KLHL29: variants seen among roughly 807,000 people sequenced by gnomAD.
KLHL29 encodes kelch like family member 29, also known as kelch-like protein 29.
A neutral mutation model predicts 80.4 loss-of-function variants in KLHL29; 21 were observed. That is an observed-to-expected ratio of 0.26 (90% CI 0.19 to 0.38). The LOEUF is 0.38. Ranked by LOEUF, KLHL29 falls within the 10% of genes least tolerant of loss-of-function variation. The pLI, the probability that KLHL29 is intolerant of heterozygous loss-of-function variation, is 1.00. For missense variants in KLHL29, 867 were observed against 1,223.9 expected, an observed-to-expected ratio of 0.71 and a Z score of 4.35; for synonymous variants, 511 against 526.8, an observed-to-expected ratio of 0.97 and a Z score of 0.41.
chr2:23,651,312 G>GC (rs1384769895), intron 5 of KLHL29, among the ~76,000 whole-genome samples: 1 of 152,166 alleles, frequency 6.6e-6, no homozygotes, highest in Non-Finnish European at 1.5e-5. Flanking sequence ...TGTCCTGGCA[G>GC]CCTCTTGGAT....
At chr2:23,663,152 C>G (rs1670461559) in intron 5 of KLHL29, among the ~76,000 whole-genome samples, 1 of 152,218 alleles carries the variant, frequency 6.6e-6, no homozygotes, top group South Asian at 2.1e-4. Context: ...CTACTCCCAG[C>G]CCCCAAACCC....
chr2:23,455,536 C>A (rs1374510951), intron 1 of KLHL29, among the ~76,000 whole-genome samples: 1 of 151,684 alleles, frequency 6.6e-6, no homozygotes, highest in African/African-American at 2.4e-5. Flanking sequence ...AAGAAGTTTC[C>A]CTGAGGACAG....
chr2:23,655,815 T>C lies in KLHL29; in HGVS notation c.940+12965T>C, dbSNP rs914226413. On this transcript the variant is annotated intron_variant, in intron 5 of 13. Coordinates refer to ENST00000486442, the MANE Select transcript of KLHL29 (RefSeq NM_052920.2). ...ATGGTTTCCAGGAGGTGTGTAGACC[T>C]GGAACTGACTGAGCAGAGTGAGTGC... Among the ~76,000 whole-genome samples the C allele has an allele frequency of 4.1e-4, 63 of 152,088 alleles. 1 individual carries two copies. Among genetic ancestry groups the C allele is most frequent in the African/African-American group, 1.2e-3 (49 of 41,404 alleles).
At chr2:23,415,068 C>A (rs1666951879) in intron 1 of KLHL29, among the ~76,000 whole-genome samples, 2 of 152,252 alleles carry the variant, frequency 1.3e-5, no homozygotes, top group South Asian at 4.1e-4. Flanking sequence ...GCTGGTCAGA[C>A]CTCCAGTTGG....
intron 3 of KLHL29, among the ~76,000 whole-genome samples, chr2:23,630,600 C>T (rs912305737): frequency 1.3e-5 from 2 of 152,176 alleles, no homozygotes; most frequent in Non-Finnish European, 2.9e-5. Context: ...TCTCCTGCCT[C>T]AGTCTCCCCA....
At chr2:23,531,549 G>A (rs577901908) in intron 2 of KLHL29, among the ~76,000 whole-genome samples, 40 of 152,286 alleles carry the variant, frequency 2.6e-4, no homozygotes, top group Middle Eastern at 3.4e-3. Context: ...TGGGACCAAC[G>A]GGATTTCACT....
intron 3 of KLHL29, among the ~76,000 whole-genome samples, chr2:23,577,617 G>A (rs1268220368): frequency 1.3e-5 from 2 of 151,020 alleles, no homozygotes; most frequent in African/African-American, 4.9e-5. Context: ...GCGTGGTGTT[G>A]GGCACCTGTA....
At position 23,503,089 on chromosome 2, in the gene KLHL29, G is replaced by A. The variant is rs1022017705; in HGVS notation, c.-46+27422G>A. Among the ~76,000 whole-genome samples, 4 of 152,132 alleles carry A rather than the reference G, an allele frequency of 2.6e-5. No homozygotes were observed. The highest frequency in any genetic ancestry group is 4.4e-5 in the Non-Finnish European group (3 of 68,034). On this transcript the variant is annotated intron_variant, in intron 2 of 13. Transcript: ENST00000486442. This position sits in a 1 kb window ranked among gnomAD's most constrained non-coding sequence, Gnocchi z 4.0. ...AATAGATGTGTTTTGTTTGAATGTC[G>A]TAGTTGTGCCCTTTGTAAAATTACC...
chr2:23,504,883 C>G (rs1665555721), intron 2 of KLHL29, among the ~76,000 whole-genome samples: 2 of 152,222 alleles, frequency 1.3e-5, no homozygotes, highest in African/African-American at 4.8e-5. Flanking sequence ...CCTCAAACCA[C>G]CAAGCTCAGC....
In KLHL29 at chr2:23,642,595, A is replaced by C. The variant is rs1669800973; in HGVS notation, c.685A>C (p.Ser229Arg). 1.3e-6 allele frequency: 2 copies of C among 1,549,908 alleles called. No individual in the cohort carries two copies. The highest frequency in any genetic ancestry group is 8.7e-7 in the Non-Finnish European group (1 of 1,146,604). ...CATGCCTGCCCAGGCCCTGTATGCC[A>C]GCCCTCAGCCCCTGGCCGTGTCCAC... ...VNMPAQALYASPQPLAVSTLP... is the reference protein window; with the variant it reads ...VNMPAQALYARPQPLAVSTLP... The change falls in exon 5 of 14, where the codon AGC (serine) becomes CGC (arginine). Residue 229 changes from serine (S) to arginine (R), a missense_variant. Coordinates refer to ENST00000486442, the MANE Select transcript of KLHL29 (RefSeq NM_052920.2).
intron 1 of KLHL29, among the ~76,000 whole-genome samples, chr2:23,472,674 C>A (rs1664527490): frequency 6.6e-6 from 1 of 152,026 alleles, no homozygotes; most frequent in Non-Finnish European, 1.5e-5. Context: ...TAAATATGAC[C>A]ATTATGTGTC....
intron 1 of KLHL29, among the ~76,000 whole-genome samples, chr2:23,421,524 TTG>T (rs57348539): frequency 0.15 from 20,865 of 142,814 alleles, 1,482 homozygotes; most frequent in Middle Eastern, 0.19. Flanking sequence ...TTAGACAAGA[TTG>T]TGTGTGTGTG....
chr2:23,644,285 A>AG (rs201883964), intron 5 of KLHL29: 6 of 149,956 alleles, frequency 4.0e-5, no homozygotes, highest in Non-Finnish European at 8.9e-5. Context: ...AAAAAAAAAA[A>AG]GAAAGAAAGA....
intron 3 of KLHL29, among the ~76,000 whole-genome samples, chr2:23,633,304 G>A (rs1669517105): frequency 6.6e-6 from 1 of 152,136 alleles, no homozygotes; most frequent in Non-Finnish European, 1.5e-5. Flanking sequence ...CTTTAGTTCT[G>A]GCATTTATGT....
chr2:23,450,503 G>T (rs571725865), intron 1 of KLHL29, among the ~76,000 whole-genome samples: 1 of 152,214 alleles, frequency 6.6e-6, no homozygotes, highest in East Asian at 1.9e-4. Flanking sequence ...CTTCTCTGCA[G>T]AACATTAGGG....
chr2:23,544,868 G>A (rs1666941959), intron 2 of KLHL29, among the ~76,000 whole-genome samples: 1 of 152,214 alleles, frequency 6.6e-6, no homozygotes, highest in African/African-American at 2.4e-5. Flanking sequence ...AAACAAGAGA[G>A]GGGAGTGAGC....
At chr2:23,444,307 A>G (rs1572517514) in intron 1 of KLHL29, among the ~76,000 whole-genome samples, 1 of 151,980 alleles carries the variant, frequency 6.6e-6, no homozygotes, top group African/African-American at 2.4e-5. Flanking sequence ...CTTTTTATAT[A>G]TATTTCTATA....
chr2:23,547,106 G>A (rs752873082), intron 2 of KLHL29, among the ~76,000 whole-genome samples: 3 of 152,210 alleles, frequency 2.0e-5, no homozygotes, highest in Admixed American at 6.5e-5. Context: ...AAGGAGGGCC[G>A]GCACCGGGTC....
chr2:23,387,597 A>G (rs1666218868), intron 1 of KLHL29, among the ~76,000 whole-genome samples: 1 of 151,870 alleles, frequency 6.6e-6, no homozygotes, highest in African/African-American at 2.4e-5. Flanking sequence ...AGGAGAATGA[A>G]CAATTTTATA....
Sources: gnomAD v4.1 joint callset for allele counts (sites outside exome capture counted in the v4.1 genomes callset) on GRCh38, gnomAD v4.1.1 for gene constraint, Gnocchi (gnomAD v3.1) non-coding constraint, MANE v1.5 for transcripts, NCBI Gene and HGNC (gene_info 2026-07-23, HGNC 2026-07-21) for gene names.